Variants in PCSK7 observed in about 807,000 individuals in gnomAD.
PCSK7 encodes the protein proprotein convertase subtilisin/kexin type 7.
In PCSK7, 38 loss-of-function variants were observed where a neutral mutation model predicts 73.3. That is an observed-to-expected ratio of 0.52 (90% confidence interval 0.40 to 0.68). PCSK7 has a LOEUF of 0.68. Among genes scored for constraint, PCSK7 ranks in the 30% least tolerant of loss-of-function variants. The pLI is 0.00. For synonymous variants in PCSK7, 296 were observed against 383.8 expected, an observed-to-expected ratio of 0.77 and a Z score of 2.68; for missense variants, 692 against 991.5, an observed-to-expected ratio of 0.70 and a Z score of 4.06.
intron 12 of PCSK7, chr11:117,213,081 T>G (rs2031804876): frequency 6.6e-6 from 1 of 152,262 alleles, no homozygotes; most frequent in South Asian, 2.1e-4. Context: ...TGCTGTGCTC[T>G]CAAAGCACCT....
At chr11:117,224,621 T>C (rs1420070601) in intron 7 of PCSK7, 80 bp downstream of exon 7, 6 of 1,133,846 alleles carry the variant, frequency 5.3e-6, no homozygotes, top group South Asian at 3.7e-5. Flanking sequence ...AGTGGGAAGA[T>C]GGGTCAACTT....
chr11:117,214,900 G>C (rs1003018509), intron 12 of PCSK7: 1 of 152,250 alleles, frequency 6.6e-6, no homozygotes, highest in Non-Finnish European at 1.5e-5. Context: ...AAGGAGAGGT[G>C]CAAGTGGGTG....
intron 4 of PCSK7, among the ~76,000 whole-genome samples, 173 bp from the exon 5 acceptor site, chr11:117,227,495 T>A (rs968222244): frequency 2.0e-5 from 3 of 152,166 alleles, no homozygotes; most frequent in African/African-American, 7.2e-5. Flanking sequence ...CAGGCTGGAG[T>A]GCAGTGCCAC....
At chr11:117,222,391 T>C (rs1385069690) in intron 9 of PCSK7, 2 of 152,200 alleles carry the variant, frequency 1.3e-5, no homozygotes, top group East Asian at 1.9e-4. Context: ...CTCTCTGGTG[T>C]TGACATGAGA....
chr11:117,224,606 G>GGT, intron 7 of PCSK7, 95 bp downstream of exon 7: 1 of 984,982 alleles, frequency 1.0e-6, no homozygotes, highest in South Asian at 1.3e-5. Flanking sequence ...TGAGCGTGGA[G>GGT]GTGGAGTGGG....
At position 117,225,895 on chromosome 11, in the gene PCSK7, C is replaced by T. The variant is rs1487876808; in HGVS notation, c.860+36G>A. On this transcript the variant is annotated intron_variant, in intron 6 of 16. Transcript: ENST00000320934. ...GTTGGCGGATTTGTCCCAGGTGCTCCAGGCTCTTGCCCTCTCATCTGCAGC... is the reference window on the plus strand; with the variant it reads ...GTTGGCGGATTTGTCCCAGGTGCTCTAGGCTCTTGCCCTCTCATCTGCAGC... 8 of 1,356,088 alleles carry T rather than the reference C, an allele frequency of 5.9e-6. No individual in the cohort carries two copies. The African/African-American group carries it at 1.1e-4, about 19-fold the overall frequency. The allele number at this position is 1,356,088 out of a possible 1,614,324, so 84.0% of individuals were successfully genotyped here.
At chr11:117,230,049 G>C in intron 2 of PCSK7, 193 bp from the exon 3 acceptor site, 1 of 529,168 alleles carries the variant, frequency 1.9e-6, no homozygotes, top group Non-Finnish European at 3.3e-6. Context: ...CCCAGGTGGA[G>C]TGTGGGCCAG....
intron 8 of PCSK7, 84 bp from the exon 9 acceptor site, chr11:117,223,392 T>G: frequency 2.4e-6 from 2 of 843,718 alleles, no homozygotes; most frequent in South Asian, 1.4e-5. Context: ...ATCTTGGAGT[T>G]ACCATCCTGG....
intron 1 of PCSK7, among the ~76,000 whole-genome samples, chr11:117,230,830 G>C (rs1565321945): frequency 6.6e-6 from 1 of 152,124 alleles, no homozygotes; most frequent in Non-Finnish European, 1.5e-5. Flanking sequence ...GTGAAAGGAG[G>C]GAGGCGGCGG....
chr11:117,229,816 T>A lies in PCSK7; in HGVS notation c.29A>T (p.His10Leu), dbSNP rs1185585094. 1 of 1,582,184 alleles carries A rather than the reference T, an allele frequency of 6.3e-7. No homozygotes were observed. ...GGGCAGGCCCAGGGGGGCATCCAAG[T>A]GTGGCACTTTCTGCCTCCCCTTCGG... The part of the protein sequence containing the change: MPKGRQKVP[H>L]LDAPLGLPTC... Residue 10 changes from histidine (H) to leucine (L), a missense_variant, in exon 3 of 17, where the codon CAC becomes CTC. Physicochemically the swap from His to Leu is moderately conservative, Grantham distance 99. Transcript: ENST00000320934.
Position 117,204,577 on chromosome 11 carries a change from C to A in PCSK7, c.*1420G>T, listed in dbSNP as rs2031257647. The A allele has an allele frequency of 4.1e-5, 29 of 703,966 alleles. 1 individual carries two copies. The East Asian group carries it at 8.3e-4, about 20-fold the overall frequency. The allele number at this position is 703,966 out of a possible 1,614,324, so 43.6% of individuals were successfully genotyped here. A position where few individuals can be genotyped will look rare whatever the true frequency, so the allele number is the denominator to read the frequency against. ...CGAAAGCATCACTGCCTTGGCCCCT[C>A]CCTCCCGGCTGCCCCCATCACCTCT... On this transcript the variant is annotated 3_prime_UTR_variant, in exon 17 of 17. Coordinates refer to ENST00000320934, the MANE Select transcript of PCSK7 (RefSeq NM_004716.4).
intron 2 of PCSK7, chr11:117,230,107 C>T (rs1029343767): frequency 5.9e-5 from 26 of 440,434 alleles, no homozygotes; most frequent in South Asian, 1.7e-4. Flanking sequence ...CCAATCCTCA[C>T]GACACCAGCT....
intron 12 of PCSK7, chr11:117,213,556 T>G (rs1488858216): frequency 6.6e-6 from 1 of 152,130 alleles, no homozygotes; most frequent in East Asian, 1.9e-4. Flanking sequence ...TGATGGAAAA[T>G]ATTTATGGCA....
At chr11:117,225,055 CTTTT>C (rs571538440) in intron 6 of PCSK7, 13 of 134,362 alleles carry the variant, frequency 9.7e-5, no homozygotes, top group South Asian at 9.6e-4. Context: ...ACATGTAGAC[CTTTT>C]TTTTTTTTTT....
intron 6 of PCSK7, chr11:117,225,055 CTTTTT>C (rs571538440): frequency 4.5e-5 from 6 of 134,364 alleles, no homozygotes; most frequent in South Asian, 2.4e-4. Context: ...ACATGTAGAC[CTTTTT>C]TTTTTTTTTT....
At chr11:117,223,054 A>T (rs1361764501) in intron 9 of PCSK7, 154 bp downstream of exon 9, 2 of 636,906 alleles carry the variant, frequency 3.1e-6, no homozygotes, top group Non-Finnish European at 2.8e-6. Context: ...TACTACTCCA[A>T]GGGTGGCATG....
chr11:117,223,889 A>G, intron 8 of PCSK7, 189 bp downstream of exon 8: 1 of 603,386 alleles, frequency 1.7e-6, no homozygotes, highest in South Asian at 2.0e-5. Context: ...GATGGCTTGA[A>G]GGTGTTCCCA....
At chr11:117,225,746 C>T (rs993183191) in intron 6 of PCSK7, 185 bp downstream of exon 6, 24 of 614,320 alleles carry the variant, frequency 3.9e-5, no homozygotes, top group Non-Finnish European at 6.4e-5. Flanking sequence ...ACGGGGGTGA[C>T]GGGGGCTTAA....
rs57009414 is a variant in PCSK7, at chr11:117,215,380, G to GTATATATATATA, written c.1534+3074_1534+3085dup. ...CTGGCTAATTTGTGTGTGTGTGTGTGTATATATATATATATATATATATAT... is the reference window on the plus strand; with the variant it reads ...CTGGCTAATTTGTGTGTGTGTGTGTGTATATATATATATATATATATATATATATATATATAT... On this transcript the variant is annotated intron_variant, in intron 12 of 16. Transcript: ENST00000320934. 1.3e-3 allele frequency: 70 copies of GTATATATATATA among 55,850 alleles called. 1 individual carries two copies. The highest frequency in any genetic ancestry group is 4.0e-3 in the African/African-American group (33 of 8,288). The allele number at this position is 55,850 out of a possible 1,614,324, so 3.5% of individuals were successfully genotyped here.
Sources: allele counts gnomAD v4.1 joint callset (sites outside exome capture counted in the v4.1 genomes callset), GRCh38; gene constraint gnomAD v4.1.1; transcripts MANE v1.5; gene names NCBI Gene and HGNC (gene_info 2026-07-23, HGNC 2026-07-21).